Variants in TMLHE observed in about 807,000 individuals in gnomAD.
TMLHE encodes the protein trimethyllysine dioxygenase, mitochondrial.
A neutral mutation model predicts 25.7 loss-of-function variants in TMLHE; 18 were observed. That is an observed-to-expected ratio of 0.70 (90% CI 0.48 to 1.04). The LOEUF is 1.04. TMLHE is among the 50% of genes least tolerant of loss of function. The pLI is 0.00. For synonymous variants in TMLHE, 105 were observed against 97.0 expected (o/e 1.08, Z -0.49); for missense variants, 236 against 259.0 (o/e 0.91, Z 0.61).
intron 1 of TMLHE, among the ~76,000 whole-genome samples, chrX:155,547,647 C>G (rs1316234233): frequency 9.1e-6 from 1 of 109,357 alleles, no homozygotes; most frequent in Non-Finnish European, 1.9e-5. Context: ...AGTGGTGGAG[C>G]TCCACATGAC....
At chrX:155,538,935 G>GA (rs782561216) in intron 2 of TMLHE, among the ~76,000 whole-genome samples, 141 of 110,134 alleles carry the variant, frequency 1.3e-3, no homozygotes, top group African/African-American at 4.6e-3. Context: ...TGGCAGAATA[G>GA]AAAAAAAAGA....
chrX:155,510,495 C>T (rs1185612497), intron 5 of TMLHE, among the ~76,000 whole-genome samples: 5 of 100,411 alleles, frequency 5.0e-5, no homozygotes, highest in Non-Finnish European at 8.0e-5. Context: ...TGAGAACATG[C>T]GGTGTTTGGT....
chrX:155,515,731 C>A (rs2067148320), intron 3 of TMLHE, among the ~76,000 whole-genome samples: 1 of 111,161 alleles, frequency 9.0e-6, no homozygotes, highest in South Asian at 3.7e-4. Flanking sequence ...AATAAGAATA[C>A]TTTCTATATT....
intron 1 of TMLHE, among the ~76,000 whole-genome samples, chrX:155,577,619 A>G (rs1433862665): frequency 2.7e-5 from 3 of 111,093 alleles, no homozygotes; most frequent in Middle Eastern, 8.5e-3. Flanking sequence ...TAAAACCACA[A>G]TGAGATACCA....
chrX:155,607,931 C>T (rs781843117), intron 1 of TMLHE, among the ~76,000 whole-genome samples: 1 of 111,948 alleles, frequency 8.9e-6, no homozygotes, highest in East Asian at 2.8e-4. Flanking sequence ...AATGAAAAAT[C>T]ATTCCATGCT....
At chrX:155,557,945 A>G (rs1322373694) in intron 1 of TMLHE, among the ~76,000 whole-genome samples, 2 of 111,633 alleles carry the variant, frequency 1.8e-5, no homozygotes, top group Admixed American at 9.5e-5. Flanking sequence ...ATTATTTCTC[A>G]CTTAAAGACT....
chrX:155,543,161 T>A (rs1466290215), intron 2 of TMLHE, among the ~76,000 whole-genome samples: 3 of 111,194 alleles, frequency 2.7e-5, no homozygotes, highest in Non-Finnish European at 3.8e-5. Flanking sequence ...TGTTCACTCT[T>A]CCTACTCTTA....
chrX:155,540,211 A>G (rs193194803), intron 2 of TMLHE, among the ~76,000 whole-genome samples: 1 of 110,099 alleles, frequency 9.1e-6, no homozygotes, highest in Non-Finnish European at 1.9e-5. Context: ...CTCCAGTTGG[A>G]ATAAATCTAA....
intron 1 of TMLHE, among the ~76,000 whole-genome samples, chrX:155,581,140 C>T (rs1374459135): frequency 9.0e-6 from 1 of 111,719 alleles, no homozygotes; most frequent in Non-Finnish European, 1.9e-5. Flanking sequence ...ATGCTAAAAA[C>T]TCTCAATAAA....
chrX:155,577,469 C>T (rs1403968889), intron 1 of TMLHE, among the ~76,000 whole-genome samples: 6 of 109,604 alleles, frequency 5.5e-5, no homozygotes, highest in Non-Finnish European at 1.1e-4. Context: ...GTCCCAGATA[C>T]TCAGGGAGGC....
At chrX:155,515,279 TTTTAAAATTAAATTTTATCATTTTAAA>T (rs2067144642) in intron 3 of TMLHE, among the ~76,000 whole-genome samples, 1 of 110,935 alleles carries the variant, frequency 9.0e-6, no homozygotes. Context: ...TTTTAACAAT[TTTTAAAATTAAATTTTATCATTTTAAA>T]AATTCAACCT....
In TMLHE at chrX:155,507,016, TGAG is replaced by T. The variant is rs1212786786; in HGVS notation, c.874_876del (p.Leu292del). On this transcript the variant is annotated inframe_deletion, in exon 6 of 8. Coordinates refer to ENST00000334398, the MANE Select transcript of TMLHE (RefSeq NM_018196.4). ...TATTCATGCTTCAATGGCACTTTAC[TGAG>T]GAGTTCAAATTCCTCAGGTGCCTTT... The T allele has an allele frequency of 8.3e-7, 1 of 1,207,865 alleles. No homozygotes were observed. The highest frequency in any genetic ancestry group is 2.2e-5 in the Admixed American group (1 of 45,544).
chrX:155,523,591 T>C (rs2067201714), intron 3 of TMLHE, among the ~76,000 whole-genome samples: 1 of 111,826 alleles, frequency 8.9e-6, no homozygotes, highest in Non-Finnish European at 1.9e-5. Flanking sequence ...AGTGATTTCT[T>C]CCCACTTAAT....
chrX:155,577,325 C>G (rs1557343903), intron 1 of TMLHE, among the ~76,000 whole-genome samples: 2 of 111,605 alleles, frequency 1.8e-5, no homozygotes, highest in Non-Finnish European at 3.8e-5. Context: ...ACCTGTAATC[C>G]TAGCACTTTT....
chrX:155,555,454 C>T lies in TMLHE; in HGVS notation c.-1-10177G>A, dbSNP rs781943203. Among the ~76,000 whole-genome samples, 49 of 110,631 alleles carry T rather than the reference C, an allele frequency of 4.4e-4. 1 individual carries two copies. The highest frequency in any genetic ancestry group is 1.5e-3 in the African/African-American group (45 of 30,278). On this transcript the variant is annotated intron_variant, in intron 1 of 7. Transcript: ENST00000334398. ...TGTAGATCCTTGAGGAATCACCACA[C>T]TGTCTTCCACAATGGTTGAACTAGT...
chrX:155,559,854 A>T, intron 1 of TMLHE, among the ~76,000 whole-genome samples: 1 of 111,962 alleles, frequency 8.9e-6, no homozygotes, highest in Non-Finnish European at 1.9e-5. Context: ...TCCATTGTCC[A>T]TACACTATTG....
chrX:155,550,116 T>C (rs1223638833), intron 1 of TMLHE, among the ~76,000 whole-genome samples: 1 of 110,847 alleles, frequency 9.0e-6, no homozygotes, highest in African/African-American at 3.3e-5. Context: ...CTTTATCCAG[T>C]CTCAAATTGA....
chrX:155,587,618 G>T (rs1198329710), intron 1 of TMLHE, among the ~76,000 whole-genome samples: 2 of 111,426 alleles, frequency 1.8e-5, no homozygotes, highest in African/African-American at 6.5e-5. Flanking sequence ...AAAAAATCTA[G>T]AGACTCTACT....
At chrX:155,556,543 A>G (rs1321119011) in intron 1 of TMLHE, among the ~76,000 whole-genome samples, 205 of 110,053 alleles carry the variant, frequency 1.9e-3, no homozygotes, top group African/African-American at 6.6e-3. Flanking sequence ...GGGAGGGAGT[A>G]TATGACTACG....
Sources: gnomAD v4.1 joint callset for allele counts (sites outside exome capture counted in the v4.1 genomes callset) on GRCh38, gnomAD v4.1.1 for gene constraint, MANE v1.5 for transcripts, NCBI Gene and HGNC (gene_info 2026-07-23, HGNC 2026-07-21) for gene names.